The following ABLIM3 variants were observed in gnomAD, a reference collection of about 807,000 sequenced individuals.
ABLIM3 encodes actin binding LIM protein family member 3.
ABLIM3 carries 61 observed loss-of-function variants against 109.5 expected under a neutral mutation model. That is an observed-to-expected ratio of 0.56 (90% CI 0.45 to 0.69). The LOEUF (loss-of-function observed/expected upper bound fraction) is 0.69, where lower values mean the gene tolerates loss of function less well. Among genes scored for constraint, ABLIM3 ranks in the 30% least tolerant of loss-of-function variants. ABLIM3 has a pLI of 0.00. For synonymous variants in ABLIM3, 300 were observed against 324.8 expected (o/e 0.92, Z 0.82); for missense variants, 796 against 889.5 (o/e 0.89, Z 1.34).
intron 2 of ABLIM3, among the ~76,000 whole-genome samples, chr5:149,156,074 A>C (rs1753845910): frequency 6.6e-6 from 1 of 152,252 alleles, no homozygotes; most frequent in Admixed American, 6.5e-5. Context: ...AGGGAGAATG[A>C]GCTCCCAGTT....
chr5:149,202,431 G>T (rs189003303), intron 5 of ABLIM3, among the ~76,000 whole-genome samples: 121 of 152,298 alleles, frequency 7.9e-4, no homozygotes, highest in African/African-American at 2.6e-3. Context: ...ATTGTCTATA[G>T]TGGTATGTTT....
Position 149,198,545 on chromosome 5 carries a change from C to A in ABLIM3, c.335+143C>A. 1 of 943,776 alleles carries A rather than the reference C, an allele frequency of 1.1e-6. No individual in the cohort carries two copies. Among genetic ancestry groups the A allele is most frequent in the Non-Finnish European group, 1.5e-6 (1 of 650,368 alleles). 58.5% of individuals were successfully genotyped at this position (943,776 alleles called of 1,614,324 possible). A position where few individuals can be genotyped will look rare whatever the true frequency, so the allele number is the denominator to read the frequency against. On this transcript the variant is annotated intron_variant, in intron 4 of 23. Transcript: ENST00000309868. This position sits in a 1 kb window ranked among gnomAD's most constrained non-coding sequence, Gnocchi z 4.2. ...TCTGGAACCTCAGGTGTGGAGGGAT[C>A]TGATGGGCCAGTGGTTTTCAAACAC...
intron 17 of ABLIM3, among the ~76,000 whole-genome samples, chr5:149,247,140 C>T (rs911259825): frequency 9.2e-5 from 14 of 152,216 alleles, no homozygotes; most frequent in African/African-American, 3.4e-4. Flanking sequence ...AGTAATGATA[C>T]ATGCCACAAT....
chr5:149,249,131 G>C (rs1753696380), intron 18 of ABLIM3, among the ~76,000 whole-genome samples: 1 of 152,236 alleles, frequency 6.6e-6, no homozygotes, highest in Admixed American at 6.5e-5. Flanking sequence ...TCAAAAGCCA[G>C]TAAGTGACTG....
chr5:149,180,838 A>G (rs1053588047), intron 2 of ABLIM3, among the ~76,000 whole-genome samples: 2 of 152,184 alleles, frequency 1.3e-5, no homozygotes, highest in African/African-American at 4.8e-5. Flanking sequence ...TTCCTAATCC[A>G]TTCCCCTCAC....
intron 5 of ABLIM3, among the ~76,000 whole-genome samples, chr5:149,205,773 AG>A (rs1227317399): frequency 6.6e-6 from 1 of 152,166 alleles, no homozygotes; most frequent in Non-Finnish European, 1.5e-5. Context: ...ACTTGTACTA[AG>A]GGATGTTAGA....
At chr5:149,169,092 C>G (rs570016253) in intron 2 of ABLIM3, among the ~76,000 whole-genome samples, 1 of 129,302 alleles carries the variant, frequency 7.7e-6, no homozygotes, top group Admixed American at 7.3e-5. Context: ...AGGACCCCCC[C>G]ACCCCCCGTC....
chr5:149,168,197 T>G lies in ABLIM3; in HGVS notation c.14-15255T>G, dbSNP rs150118838. Among the ~76,000 whole-genome samples the G allele has an allele frequency of 3.5e-3, 536 of 152,286 alleles. 1 individual carries two copies. The highest frequency in any genetic ancestry group is 0.01 in the African/African-American group (418 of 41,576). On this transcript the variant is annotated intron_variant, in intron 2 of 23. Transcript: ENST00000309868. ...GAGAAGAGATGCGGTAGAAGGCTAC[T>G]GTGGTAGCCCAGGTGAAAGATGCCT...
chr5:149,195,528 AG>A (rs1332470844), intron 3 of ABLIM3, among the ~76,000 whole-genome samples: 1 of 152,076 alleles, frequency 6.6e-6, no homozygotes, highest in East Asian at 1.9e-4. Context: ...GGGGCAATGG[AG>A]GACTGATTGT....
At chr5:149,184,909 C>T (rs577946105) in intron 3 of ABLIM3, among the ~76,000 whole-genome samples, 23 of 152,192 alleles carry the variant, frequency 1.5e-4, no homozygotes, top group Non-Finnish European at 2.2e-4. Context: ...GATGCATATA[C>T]GGGATACATT....
In ABLIM3 at chr5:149,239,862, G is replaced by C. The variant is rs753998757; in HGVS notation, c.1178G>C (p.Arg393Pro). ...SRQGMSPTFS[R>P]SPHHYYRSGP... Reference sequence around the variant, plus strand: ...CAGGGCATGTCCCCCACCTTCTCCCGCTCACCTCACCACTACTACCGCTCT... The same window carrying C: ...CAGGGCATGTCCCCCACCTTCTCCCCCTCACCTCACCACTACTACCGCTCT... The change falls in exon 13 of 24, where the codon CGC becomes CCC. Residue 393 changes from arginine to proline, a missense_variant. Transcript: ENST00000309868. The C allele has an allele frequency of 2.5e-6, 4 of 1,609,558 alleles. No homozygotes were observed. The highest frequency in any genetic ancestry group is 3.4e-6 in the Non-Finnish European group (4 of 1,177,734).
chr5:149,172,318 T>C (rs934651531), intron 2 of ABLIM3, among the ~76,000 whole-genome samples: 2 of 152,240 alleles, frequency 1.3e-5, no homozygotes, highest in African/African-American at 4.8e-5. Flanking sequence ...GTTTTGACTA[T>C]GAAACTTTTG....
intron 1 of ABLIM3, 24 bp from the exon 2 acceptor site, chr5:149,141,985 C>G: frequency 6.7e-7 from 1 of 1,492,258 alleles, no homozygotes; most frequent in Middle Eastern, 1.7e-4. Context: ...AGAGCTGGCA[C>G]TGGACTGCCT....
At position 149,259,544 on chromosome 5, in the gene ABLIM3, A is replaced by T; in HGVS notation, c.*1140A>T. On this transcript the variant is annotated 3_prime_UTR_variant, in exon 24 of 24. Coordinates refer to ENST00000309868, the MANE Select transcript of ABLIM3 (RefSeq NM_014945.5). Reference sequence around the variant, plus strand: ...TGCTGCAAAGTTGGCCATGTTTCACAGGGAAACTTTTGGAAGAGTGGCTGC... The same window carrying T: ...TGCTGCAAAGTTGGCCATGTTTCACTGGGAAACTTTTGGAAGAGTGGCTGC... 1 of 1,536,302 alleles carries T rather than the reference A, an allele frequency of 6.5e-7. No homozygotes were observed. The highest frequency in any genetic ancestry group is 2.0e-5 in the Admixed American group (1 of 51,004).
chr5:149,256,462 C>T (rs1754435565), intron 23 of ABLIM3, among the ~76,000 whole-genome samples: 1 of 152,198 alleles, frequency 6.6e-6, no homozygotes, highest in Non-Finnish European at 1.5e-5. Context: ...GAGGCAGGGT[C>T]TTAGGGATCT....
rs143754875 is a variant in ABLIM3, at chr5:149,247,834, C to T, written c.1604C>T (p.Ser535Leu). The T allele has an allele frequency of 4.2e-4, 681 of 1,614,250 alleles. No individual in the cohort carries two copies. Among genetic ancestry groups the T allele is most frequent in the Non-Finnish European group, 4.2e-4 (491 of 1,180,052 alleles). The change falls in exon 18 of 24, where the codon TCG becomes TTG. Residue 535 changes from serine to leucine, a missense_variant. By Grantham distance (145) the Ser-to-Leu change is moderately radical. Coordinates refer to ENST00000309868, the MANE Select transcript of ABLIM3 (RefSeq NM_014945.5). ...CTGAAGGAAGAAATGAAGGCCCGGTCGAGCTCCTATGCAGATCCCTGGACC... is the reference window on the plus strand; with the variant it reads ...CTGAAGGAAGAAATGAAGGCCCGGTTGAGCTCCTATGCAGATCCCTGGACC... ...LILKEEMKAR[S>L]SSYADPWTPP...
intron 3 of ABLIM3, among the ~76,000 whole-genome samples, chr5:149,188,573 A>T (rs1012573321): frequency 1.3e-5 from 2 of 152,246 alleles, no homozygotes; most frequent in Middle Eastern, 3.2e-3. Flanking sequence ...TGGCTTGCAG[A>T]TGGCCGCCAT....
At chr5:149,238,858 C>T (rs1251569491) in intron 11 of ABLIM3, among the ~76,000 whole-genome samples, 2 of 152,102 alleles carry the variant, frequency 1.3e-5, no homozygotes, top group Non-Finnish European at 2.9e-5. Context: ...CTGCCCTGGG[C>T]ATCGTCCTCA....
intron 5 of ABLIM3, among the ~76,000 whole-genome samples, chr5:149,205,346 G>T (rs191637144): frequency 9.9e-4 from 150 of 152,258 alleles, no homozygotes; most frequent in East Asian, 4.3e-3. Flanking sequence ...GTGCCCACTT[G>T]TCGAGAATGC....
Sources: gnomAD v4.1 joint callset for allele counts (sites outside exome capture counted in the v4.1 genomes callset) on GRCh38, gnomAD v4.1.1 for gene constraint, Gnocchi (gnomAD v3.1) non-coding constraint, MANE v1.5 for transcripts, NCBI Gene and HGNC (gene_info 2026-07-23, HGNC 2026-07-21) for gene names.